The following MAN2C1 variants were observed in gnomAD, a reference collection of about 807,000 sequenced individuals.
MAN2C1 encodes the protein mannosidase alpha class 2C member 1.
A neutral mutation model predicts 126.9 loss-of-function variants in MAN2C1; 111 were observed. The ratio of observed to expected loss-of-function variants is 0.87; its 90% CI spans 0.75 to 1.02. The LOEUF (loss-of-function observed/expected upper bound fraction) is 1.02. MAN2C1 is among the 50% of genes least tolerant of loss of function. MAN2C1 has a pLI of 0.00. For synonymous variants in MAN2C1, 567 were observed against 561.5 expected (o/e 1.01, Z -0.14); for missense variants, 1,363 against 1,364.4 (o/e 1.00, Z 0.02).
chr15:75,367,709 C>A, intron 2 of MAN2C1, 75 bp from the exon 3 acceptor site: 1 of 1,577,610 alleles, frequency 6.3e-7, no homozygotes, highest in Non-Finnish European at 8.6e-7. Context: ...AAAGTGTCGG[C>A]AGGGGCTTGA....
intron 6 of MAN2C1, 140 bp downstream of exon 6, chr15:75,363,859 G>T: frequency 1.1e-6 from 1 of 871,084 alleles, no homozygotes; most frequent in Non-Finnish European, 1.8e-6. Flanking sequence ...CCAGCCCCCC[G>T]GCCCCGTTTT....
At position 75,358,535 on chromosome 15, in the gene MAN2C1, AT is replaced by A; in HGVS notation, c.2329del (p.Ile777SerfsTer35). 6 of 1,613,462 alleles carry A rather than the reference AT, an allele frequency of 3.7e-6. No homozygotes were observed. In the Middle Eastern group the frequency reaches 9.9e-4, roughly 266 times the overall value. On this transcript the variant is annotated frameshift_variant, in exon 20 of 26. Transcript: ENST00000267978. LOFTEE classifies it high-confidence loss of function. ...LRGSAWFLLQ[I>X]SPNSRLSQEV... The stretch of plus-strand genomic sequence containing the variant: ...CTGGCTAAGCCGACTGTTGGGGCTG[AT>A]CTGTAGCAAGAACCAGGCGCTGCCC...
chr15:75,359,974 T>A lies in MAN2C1; in HGVS notation c.1721A>T (p.Asn574Ile). The stretch of plus-strand genomic sequence containing the variant: ...TCCAGTCACCACATCATGGAACTGG[T>A]TCAGAAGAAGGAGCCTGCAGGGGCC... Reference protein sequence around the residue: ...LQHLWRLLLLNQFHDVVTGSC... With the variant: ...LQHLWRLLLLIQFHDVVTGSC... The change falls in exon 15 of 26, where the codon AAC becomes ATC. Residue 574 changes from asparagine to isoleucine, a missense_variant. Around this residue, in one of 3 missense-constraint regions of MAN2C1, gnomAD observed 668 missense variants for 650.1 expected, o/e 1.03. Transcript: ENST00000267978. 6.2e-7 allele frequency: 1 copy of A among 1,613,896 alleles called. No individual in the cohort carries two copies. The highest frequency in any genetic ancestry group is 8.5e-7 in the Non-Finnish European group (1 of 1,179,886).
In MAN2C1 at chr15:75,362,938, C is replaced by A; in HGVS notation, c.791-190G>T. 1 of 592,816 alleles carries A rather than the reference C, an allele frequency of 1.7e-6. No homozygotes were observed. 36.7% of individuals were successfully genotyped at this position (592,816 alleles called of 1,614,324 possible). A position where few individuals can be genotyped will look rare whatever the true frequency, so the allele number is the denominator to read the frequency against. ...GGGAGGAGGGGCTGGGGAAAGGAGGCGGCAGTGCTATGAGGCCAATTATAC... is the reference window on the plus strand; with the variant it reads ...GGGAGGAGGGGCTGGGGAAAGGAGGAGGCAGTGCTATGAGGCCAATTATAC... On this transcript the variant is annotated intron_variant, in intron 6 of 25. Transcript: ENST00000267978. This position sits in a 1 kb window ranked among gnomAD's most constrained non-coding sequence, Gnocchi z 4.5.
At chr15:75,363,977 G>A (rs746041926) in intron 6 of MAN2C1, 22 bp downstream of exon 6, 2 of 1,611,356 alleles carry the variant, frequency 1.2e-6, no homozygotes, top group Non-Finnish European at 1.7e-6. Context: ...TCCCCAGCCA[G>A]CCCAACCAGC....
At position 75,356,041 on chromosome 15, in the gene MAN2C1, C is replaced by G. The variant is rs760408496; in HGVS notation, c.2997-9G>C. 7 of 1,613,756 alleles carry G rather than the reference C, an allele frequency of 4.3e-6. No individual in the cohort carries two copies. Among genetic ancestry groups the G allele is most frequent in the African/African-American group, 2.7e-5 (2 of 74,920 alleles). On this transcript the variant is annotated splice_polypyrimidine_tract_variant and intron_variant, in intron 25 of 25. Transcript: ENST00000267978. This position sits in a 1 kb window ranked among gnomAD's most constrained non-coding sequence, Gnocchi z 5.8. ...GCTCCAAGAGATCGCAGCTGGAGAA[C>G]AGGAGGGGCCATGAAGGCTCTGCGA...
chr15:75,364,632 C>T lies in MAN2C1; in HGVS notation c.456G>A (p.Gly152=). 1 of 1,613,184 alleles carries T rather than the reference C, an allele frequency of 6.2e-7. No homozygotes were observed. The highest frequency in any genetic ancestry group is 1.1e-5 in the South Asian group (1 of 90,966). The change falls in exon 5 of 26, where the codon GGG becomes GGA. Residue 152 remains glycine (G), a synonymous_variant. Coordinates refer to ENST00000267978, the MANE Select transcript of MAN2C1 (RefSeq NM_006715.4). ...TGCTTCCCTTCCCGGCCCCCAGGAG[C>T]CCATTGCAGGCTACTTCCACATAGA... ...LTLYVEVACN[G]LLGAGKGSMI...
At chr15:75,365,713 C>T (rs1047272971) in intron 4 of MAN2C1, 10 of 207,956 alleles carry the variant, frequency 4.8e-5, no homozygotes, top group East Asian at 1.8e-4. Context: ...GTAACAAAAG[C>T]GAAACTCCGT....
In MAN2C1 at chr15:75,357,027, C is replaced by T. The variant is rs532106572; in HGVS notation, c.2548-125G>A. The T allele has an allele frequency of 1.8e-3, 1,334 of 729,744 alleles. 5 individuals carry two copies. The highest frequency in any genetic ancestry group is 1.6e-3 in the Non-Finnish European group (690 of 435,956). 45.2% of individuals were successfully genotyped at this position (729,744 alleles called of 1,614,324 possible). Reference sequence around the variant, plus strand: ...CCACACAACTGAACTCCAGCTCCCACTGTACGGGGCCCTGGGCATGCCACC... The same window carrying T: ...CCACACAACTGAACTCCAGCTCCCATTGTACGGGGCCCTGGGCATGCCACC... On this transcript the variant is annotated intron_variant, in intron 21 of 25. Transcript: ENST00000267978.
intron 5 of MAN2C1, 67 bp downstream of exon 5, chr15:75,364,421 C>T (rs1218022424): frequency 7.5e-6 from 11 of 1,458,660 alleles, no homozygotes; most frequent in Non-Finnish European, 1.0e-5. Context: ...ATTTATCTGA[C>T]CCAAAGAACA....
At position 75,362,029 on chromosome 15, in the gene MAN2C1, CAGG is replaced by C. The variant is rs1479356393; in HGVS notation, c.1009-85_1009-83del. 11 of 1,014,752 alleles carry C rather than the reference CAGG, an allele frequency of 1.1e-5. No individual in the cohort carries two copies. Among genetic ancestry groups the C allele is most frequent in the Admixed American group, 1.7e-5 (1 of 57,926 alleles). 62.9% of individuals were successfully genotyped at this position (1,014,752 alleles called of 1,614,324 possible). ...GGCGCTCAGGCCAACCCAATCCCTG[CAGG>C]AGAAGCCAGGGCTGCTCAAACATGG... is the stretch of plus-strand genomic sequence containing the variant. On this transcript the variant is annotated intron_variant, in intron 8 of 25. Transcript: ENST00000267978. The surrounding 1 kb of genome is among the most constrained non-coding windows in gnomAD (Gnocchi z 4.5).
intron 6 of MAN2C1, 54 bp downstream of exon 6, chr15:75,363,945 G>C: frequency 1.3e-6 from 2 of 1,589,860 alleles, no homozygotes; most frequent in Non-Finnish European, 1.7e-6. Context: ...GGCACATCCA[G>C]GTCTTCAAGG....
chr15:75,359,587 G>C, intron 16 of MAN2C1, 33 bp downstream of exon 16: 1 of 1,609,682 alleles, frequency 6.2e-7, no homozygotes, highest in Non-Finnish European at 8.5e-7. Flanking sequence ...CATCCTTCCT[G>C]CTGCAGTAGC....
Position 75,361,310 on chromosome 15 carries a change from A to T in MAN2C1, c.1290T>A (p.Tyr430Ter). 6.4e-7 allele frequency: 1 copy of T among 1,569,490 alleles called. No homozygotes were observed. The change falls in exon 11 of 26, where the codon TAT becomes TAA. Residue 430 changes from tyrosine to a stop codon, truncating the protein, a stop_gained. Transcript: ENST00000267978. LOFTEE classifies it high-confidence loss of function. This position sits in a 1 kb window ranked among gnomAD's most constrained non-coding sequence, Gnocchi z 5.0. ...CCTCCTCCACGCTGCCCTGCATCCC[A>T]TAGGAGTCGCCAGGTGGGAAGTGGA... ...VLVHFPPGDSYGMQGSVEEVL... is the reference protein window; with the variant it reads ...VLVHFPPGDS
Position 75,356,397 on chromosome 15 carries a change from G to C in MAN2C1, c.2790C>G (p.Pro930=). 6.2e-7 allele frequency: 1 copy of C among 1,610,888 alleles called. No individual in the cohort carries two copies. Among genetic ancestry groups the C allele is most frequent in the South Asian group, 1.1e-5 (1 of 90,408 alleles). Residue 930 remains proline, a synonymous_variant, in exon 24 of 26, where the codon CCC becomes CCG. Coordinates refer to ENST00000267978, the MANE Select transcript of MAN2C1 (RefSeq NM_006715.4). This position sits in a 1 kb window ranked among gnomAD's most constrained non-coding sequence, Gnocchi z 5.8. ...GGCTGGGGGCTGGCAGAGCCAACAG[G>C]GGGAAGTTTAGGCTGTAGGCAGCTT... ...VIQAAYSLNF[P]LLALPAPSPA...
At position 75,361,108 on chromosome 15, in the gene MAN2C1, A is replaced by C; in HGVS notation, c.1398T>G (p.Gly466=). ...GGTCCAGCATGGTCTGGGTGGGGCC[A>C]CCACCCCCATCCCCAAAGCCAAAGA... ...AFLFGFGDGG[G]GPTQTMLDRL... is the part of the protein sequence containing the mutation. Residue 466 remains glycine, a synonymous_variant, in exon 12 of 26, where the codon GGT becomes GGG. Coordinates refer to ENST00000267978, the MANE Select transcript of MAN2C1 (RefSeq NM_006715.4). The surrounding 1 kb of genome is among the most constrained non-coding windows in gnomAD (Gnocchi z 5.0). The C allele has an allele frequency of 6.2e-7, 1 of 1,612,860 alleles. No homozygotes were observed.
At position 75,356,078 on chromosome 15, in the gene MAN2C1, G is replaced by A. The variant is rs186846962; in HGVS notation, c.2996+32C>T. ...TGAAGGCTCTGCGAGGGCGAGACTCGACCCCCGCCCCAATCCCACACCGCC... is the reference window on the plus strand; with the variant it reads ...TGAAGGCTCTGCGAGGGCGAGACTCAACCCCCGCCCCAATCCCACACCGCC... On this transcript the variant is annotated intron_variant, in intron 25 of 25. Coordinates refer to ENST00000267978, the MANE Select transcript of MAN2C1 (RefSeq NM_006715.4). This position sits in a 1 kb window ranked among gnomAD's most constrained non-coding sequence, Gnocchi z 5.8. The A allele has an allele frequency of 3.7e-5, 59 of 1,613,304 alleles. No homozygotes were observed. Among genetic ancestry groups the A allele is most frequent in the African/African-American group, 2.1e-4 (16 of 75,018 alleles).
Position 75,356,068 on chromosome 15 carries a change from G to T in MAN2C1, c.2997-36C>A. On this transcript the variant is annotated intron_variant, in intron 25 of 25. Transcript: ENST00000267978. The surrounding 1 kb of genome is among the most constrained non-coding windows in gnomAD (Gnocchi z 5.8). ...GGAGGGGCCATGAAGGCTCTGCGAG[G>T]GCGAGACTCGACCCCCGCCCCAATC... is the stretch of plus-strand genomic sequence containing the variant. The T allele has an allele frequency of 6.2e-7, 1 of 1,613,558 alleles. No homozygotes were observed. Among genetic ancestry groups the T allele is most frequent in the South Asian group, 1.1e-5 (1 of 91,042 alleles).
intron 21 of MAN2C1, 30 bp downstream of exon 21, chr15:75,358,171 C>T (rs1233358381): frequency 1.4e-5 from 23 of 1,613,284 alleles, no homozygotes; most frequent in Non-Finnish European, 1.8e-5. Flanking sequence ...GGGAGGAGTC[C>T]AAGGCCACTC....
Sources: gnomAD v4.1 joint callset for allele counts on GRCh38, gnomAD v4.1.1 for gene constraint, gnomAD v4.1.1 regional missense constraint, Gnocchi (gnomAD v3.1) non-coding constraint, MANE v1.5 for transcripts, NCBI Gene and HGNC (gene_info 2026-07-23, HGNC 2026-07-21) for gene names.